The following TBX19 variants were observed in gnomAD, a reference collection of about 807,000 sequenced individuals.
TBX19 encodes T-box transcription factor TBX19.
A neutral mutation model predicts 40.9 loss-of-function variants in TBX19; 33 were observed. The ratio of observed to expected loss-of-function variants is 0.81; its 90% CI spans 0.61 to 1.08. The LOEUF is 1.08. Among genes scored for constraint, TBX19 ranks in the 50% least tolerant of loss-of-function variants. The pLI is 0.00. For missense variants in TBX19, 494 were observed against 574.0 expected (o/e 0.86, Z 1.42); for synonymous variants, 220 against 225.0 (o/e 0.98, Z 0.20).
chr1:168,288,789 C>T (rs1023492444), intron 1 of TBX19, among the ~76,000 whole-genome samples: 1 of 150,860 alleles, frequency 6.6e-6, no homozygotes, highest in East Asian at 1.9e-4. Flanking sequence ...GAGACACAGT[C>T]TCACTCTATC....
chr1:168,309,388 T>C (rs545428322), intron 7 of TBX19, among the ~76,000 whole-genome samples: 10 of 152,086 alleles, frequency 6.6e-5, no homozygotes, highest in East Asian at 3.9e-4. Context: ...AATAAACAAA[T>C]AAATAAATAA....
Position 168,305,184 on chromosome 1 carries a change from C to G in TBX19, c.904C>G (p.His302Asp). Residue 302 changes from histidine (H) to aspartate (D), a missense_variant, in exon 6 of 8, where the codon CAT becomes GAT. His to Asp is a moderately conservative substitution (Grantham distance 81). Coordinates refer to ENST00000367821, the MANE Select transcript of TBX19 (RefSeq NM_005149.3). The stretch of plus-strand genomic sequence containing the variant: ...CCCTTCTGCGTACATGCACAGAAAC[C>G]ATTCTCCCTCAGGTCTGTGACTCTG... ...PYPSAYMHRNHSPSVNLIESS... is the reference protein window; with the variant it reads ...PYPSAYMHRNDSPSVNLIESS... 2 of 1,611,810 alleles carry G rather than the reference C, an allele frequency of 1.2e-6. No homozygotes were observed. Among genetic ancestry groups the G allele is most frequent in the South Asian group, 1.1e-5 (1 of 91,060 alleles).
intron 5 of TBX19, 49 bp from the exon 6 acceptor site, chr1:168,304,959 G>A (rs1454499575): frequency 1.3e-6 from 2 of 1,587,110 alleles, no homozygotes; most frequent in East Asian, 2.2e-5. Flanking sequence ...GATTTTTGGT[G>A]TGGGAGTTCA....
In TBX19 at chr1:168,297,768, C is replaced by T. The variant is rs1649149741; in HGVS notation, c.648C>T (p.Phe216=). ...AGTACAATCCTTTTGCCAAAGCCTT[C>T]TTGGATGCCAAGGAAAGGTAAGTAA... ...KIKYNPFAKA[F]LDAKERNHLR... Residue 216 remains phenylalanine, a synonymous_variant, in exon 4 of 8, where the codon TTC becomes TTT. Transcript: ENST00000367821. 6.2e-7 allele frequency: 1 copy of T among 1,614,024 alleles called. No homozygotes were observed. Among genetic ancestry groups the T allele is most frequent in the Non-Finnish European group, 8.5e-7 (1 of 1,179,940 alleles).
At chr1:168,294,677 T>G (rs992014034) in intron 3 of TBX19, among the ~76,000 whole-genome samples, 38 of 152,234 alleles carry the variant, frequency 2.5e-4, no homozygotes, top group African/African-American at 8.7e-4. Flanking sequence ...AATTTTTGTA[T>G]TTTTAGTAGA....
chr1:168,311,788 C>G (rs1008068770), intron 7 of TBX19, among the ~76,000 whole-genome samples: 7 of 152,178 alleles, frequency 4.6e-5, no homozygotes, highest in Admixed American at 1.3e-4. Flanking sequence ...CCTGTTCCAA[C>G]TGCATCTATA....
chr1:168,311,338 G>A (rs1304084765), intron 7 of TBX19, among the ~76,000 whole-genome samples: 2 of 152,188 alleles, frequency 1.3e-5, no homozygotes, highest in Non-Finnish European at 2.9e-5. Context: ...AAAACTTCCT[G>A]AAGGTTCTGC....
At position 168,312,788 on chromosome 1, in the gene TBX19, C is replaced by T; in HGVS notation, c.1133C>T (p.Pro378Leu). 6.2e-7 allele frequency: 1 copy of T among 1,614,280 alleles called. No individual in the cohort carries two copies. The highest frequency in any genetic ancestry group is 8.5e-7 in the Non-Finnish European group (1 of 1,180,050). Residue 378 changes from proline to leucine, a missense_variant, in exon 8 of 8, where the codon CCA becomes CTA. Transcript: ENST00000367821. Reference sequence around the variant, plus strand: ...GGCCCGGAGGTGCACGCCAGCACCCCAGGAGCATTTCTCCTCGGAAACCCA... The same window carrying T: ...GGCCCGGAGGTGCACGCCAGCACCCTAGGAGCATTTCTCCTCGGAAACCCA... ...GPGPEVHAST[P>L]GAFLLGNPAV...
chr1:168,291,507 C>T, intron 2 of TBX19, 83 bp downstream of exon 2: 1 of 1,590,354 alleles, frequency 6.3e-7, no homozygotes, highest in Non-Finnish European at 8.6e-7. Context: ...TGCATTTAGG[C>T]AATTAGAGGT....
chr1:168,284,076 C>T (rs1648744261), intron 1 of TBX19, among the ~76,000 whole-genome samples: 1 of 152,192 alleles, frequency 6.6e-6, no homozygotes, highest in African/African-American at 2.4e-5. Context: ...GGCCTCTCTT[C>T]TTTCGTTCCT....
chr1:168,307,499 A>C (rs945973982), intron 6 of TBX19, among the ~76,000 whole-genome samples: 1 of 151,980 alleles, frequency 6.6e-6, no homozygotes, highest in African/African-American at 2.4e-5. Context: ...TGGCCTAGTC[A>C]CCTCTTAAAG....
rs1558192781 is a variant in TBX19, at chr1:168,298,831, CT to C, written c.665+1049del. On this transcript the variant is annotated intron_variant, in intron 4 of 7. Coordinates refer to ENST00000367821, the MANE Select transcript of TBX19 (RefSeq NM_005149.3). ...CCTCCCTCCCTCCCTTCCTTTCTTTCTTTCTTTCTTTCTTTCTTTCTTTCTT... is the reference window on the plus strand; with the variant it reads ...CCTCCCTCCCTCCCTTCCTTTCTTTCTTCTTTCTTTCTTTCTTTCTTTCTT... 9.8e-4 allele frequency among the ~76,000 whole-genome samples: 34 copies of C among 34,574 alleles called. 10 individuals are homozygous for C. Among genetic ancestry groups the C allele is most frequent in the East Asian group, 1.7e-3 (2 of 1,168 alleles). The allele number at this position is 34,574 out of a possible 152,430, so 22.7% of individuals were successfully genotyped here. A position where few individuals can be genotyped will look rare whatever the true frequency, so the allele number is the denominator to read the frequency against.
chr1:168,312,380 T>G (rs1203841395), intron 7 of TBX19, among the ~76,000 whole-genome samples: 3 of 152,230 alleles, frequency 2.0e-5, no homozygotes, highest in Non-Finnish European at 4.4e-5. Flanking sequence ...ACAGTTTTAA[T>G]ACCTTTTTTT....
rs765043625 is a variant in TBX19, at chr1:168,300,442, C to T, written c.686C>T (p.Pro229Leu). Residue 229 changes from proline (P) to leucine (L), a missense_variant, in exon 5 of 8, where the codon CCG (proline) becomes CTG (leucine). This residue lies in a region of TBX19 where 284 missense variants were observed against 307.3 expected (regional missense o/e 0.92). Coordinates refer to ENST00000367821, the MANE Select transcript of TBX19 (RefSeq NM_005149.3). ...AKERNHLRDV[P>L]EAISESQHVT... ...TTCAGAAATCACCTAAGAGACGTAC[C>T]GGAGGCTATCTCTGAGAGCCAGCAT... 3.7e-6 allele frequency: 6 copies of T among 1,614,084 alleles called. No individual in the cohort carries two copies. Among genetic ancestry groups the T allele is most frequent in the East Asian group, 2.2e-5 (1 of 44,874 alleles).
At chr1:168,300,050 C>T (rs1328374559) in intron 4 of TBX19, among the ~76,000 whole-genome samples, 2 of 152,098 alleles carry the variant, frequency 1.3e-5, no homozygotes, top group Non-Finnish European at 2.9e-5. Flanking sequence ...GTTAATATTT[C>T]CCTCACAGGG....
At chr1:168,295,471 T>C (rs760703401) in intron 3 of TBX19, among the ~76,000 whole-genome samples, 3 of 152,208 alleles carry the variant, frequency 2.0e-5, no homozygotes, top group Admixed American at 2.0e-4. Context: ...GAAGCTACTG[T>C]CTTGTGCCTA....
chr1:168,295,381 G>A (rs1352753491), intron 3 of TBX19, among the ~76,000 whole-genome samples: 2 of 152,146 alleles, frequency 1.3e-5, no homozygotes, highest in African/African-American at 2.4e-5. Flanking sequence ...AGCCAACTGA[G>A]TCAGAATCTC....
Position 168,312,815 on chromosome 1 carries a change from C to A in TBX19, c.1160C>A (p.Ala387Asp). Reference protein sequence around the residue: ...TPGAFLLGNPAVTSPPSVLST... With the variant: ...TPGAFLLGNPDVTSPPSVLST... ...GGAGCATTTCTCCTCGGAAACCCAG[C>A]TGTGACTTCACCCCCTTCTGTGCTC... The change falls in exon 8 of 8, where the codon GCT becomes GAT. Residue 387 changes from alanine (A) to aspartate (D), a missense_variant. This residue lies in a region of TBX19 where 284 missense variants were observed against 307.3 expected (regional missense o/e 0.92). Coordinates refer to ENST00000367821, the MANE Select transcript of TBX19 (RefSeq NM_005149.3). 6.2e-7 allele frequency: 1 copy of A among 1,614,266 alleles called. No individual in the cohort carries two copies. Among genetic ancestry groups the A allele is most frequent in the East Asian group, 2.2e-5 (1 of 44,886 alleles).
intron 1 of TBX19, 116 bp from the exon 2 acceptor site, chr1:168,291,044 T>A (rs1648926102): frequency 7.2e-7 from 1 of 1,379,644 alleles, no homozygotes; most frequent in African/African-American, 1.4e-5. Flanking sequence ...GGGCCCTGTT[T>A]ATTTGGCCTC....
Sources: gnomAD v4.1 joint callset for allele counts (sites outside exome capture counted in the v4.1 genomes callset) on GRCh38, gnomAD v4.1.1 for gene constraint, gnomAD v4.1.1 regional missense constraint, MANE v1.5 for transcripts, NCBI Gene and HGNC (gene_info 2026-07-23, HGNC 2026-07-21) for gene names.